Variants in ADAMTS3 observed in about 807,000 individuals in gnomAD.
ADAMTS3 encodes the protein ADAM metallopeptidase with thrombospondin type 1 motif 3, also known as A disintegrin and metalloproteinase with thrombospondin motifs 3.
ADAMTS3 carries 73 observed loss-of-function variants against 129.0 expected under a neutral mutation model. The observed-to-expected ratio is 0.57, with a 90% CI of 0.47 to 0.69. The LOEUF (loss-of-function observed/expected upper bound fraction) is 0.69. Among genes scored for constraint, ADAMTS3 ranks in the 30% least tolerant of loss-of-function variants. The pLI, the probability that ADAMTS3 is intolerant of heterozygous loss-of-function variation, is 0.00. For missense variants in ADAMTS3, 1,457 were observed against 1,514.5 expected (o/e 0.96, Z 0.63); for synonymous variants, 477 against 510.8 (o/e 0.93, Z 0.89).
intron 3 of ADAMTS3, among the ~76,000 whole-genome samples, chr4:72,523,141 T>TA (rs925538657): frequency 1.3e-5 from 2 of 151,764 alleles, no homozygotes; most frequent in Non-Finnish European, 2.9e-5. Context: ...AAGGTAAATA[T>TA]AAAAAAAAGA....
intron 3 of ADAMTS3, among the ~76,000 whole-genome samples, chr4:72,542,386 G>A (rs1298118775): frequency 4.6e-5 from 7 of 151,904 alleles, no homozygotes; most frequent in Non-Finnish European, 8.8e-5. Context: ...GGATGGTCTC[G>A]ATCTCCTGAC....
At chr4:72,565,371 A>T (rs79588222) in intron 2 of ADAMTS3, among the ~76,000 whole-genome samples, 2 of 152,182 alleles carry the variant, frequency 1.3e-5, no homozygotes, top group Non-Finnish European at 2.9e-5. Context: ...TAATAGAAAA[A>T]AAATAAATAA....
intron 4 of ADAMTS3, among the ~76,000 whole-genome samples, chr4:72,378,368 T>A (rs1465254502): frequency 6.6e-6 from 1 of 152,208 alleles, no homozygotes; most frequent in Non-Finnish European, 1.5e-5. Flanking sequence ...TGGGTTCTGT[T>A]TGAGGTTCAA....
intron 21 of ADAMTS3, among the ~76,000 whole-genome samples, chr4:72,285,146 AAGAG>A (rs576211542): frequency 1.5e-3 from 225 of 152,360 alleles, no homozygotes; most frequent in Non-Finnish European, 2.4e-3. Flanking sequence ...GAAACAAAAA[AAGAG>A]AGAGTCAGCT....
intron 4 of ADAMTS3, among the ~76,000 whole-genome samples, chr4:72,397,947 A>C (rs959254397): frequency 6.6e-6 from 1 of 152,200 alleles, no homozygotes; most frequent in East Asian, 1.9e-4. Flanking sequence ...ATGTAAAAAA[A>C]AAATCACTAC....
At chr4:72,518,792 A>T (rs1372816836) in intron 3 of ADAMTS3, among the ~76,000 whole-genome samples, 1 of 149,426 alleles carries the variant, frequency 6.7e-6, no homozygotes, top group African/African-American at 2.5e-5. Context: ...TCTTTATCCA[A>T]TTTGCCAGTC....
intron 4 of ADAMTS3, among the ~76,000 whole-genome samples, chr4:72,378,847 C>T (rs1023438841): frequency 6.6e-6 from 1 of 152,118 alleles, no homozygotes; most frequent in African/African-American, 2.4e-5. Flanking sequence ...GAAATCAAGA[C>T]GTCAGCCATG....
chr4:72,383,476 G>A (rs1721353907), intron 4 of ADAMTS3, among the ~76,000 whole-genome samples: 1 of 152,212 alleles, frequency 6.6e-6, no homozygotes, highest in Non-Finnish European at 1.5e-5. Context: ...ATACTTGGAA[G>A]TTTGGGGTTG....
At chr4:72,429,434 A>G (rs1722644770) in intron 3 of ADAMTS3, among the ~76,000 whole-genome samples, 1 of 152,052 alleles carries the variant, frequency 6.6e-6, no homozygotes, top group Non-Finnish European at 1.5e-5. Context: ...TTGTTATAGG[A>G]GGGAAAAAGC....
At chr4:72,465,499 T>C (rs1374549016) in intron 3 of ADAMTS3, among the ~76,000 whole-genome samples, 4 of 151,902 alleles carry the variant, frequency 2.6e-5, no homozygotes, top group Non-Finnish European at 5.9e-5. Context: ...GGGGGCGATA[T>C]GATCTGATTT....
chr4:72,446,047 T>C (rs965992119), intron 3 of ADAMTS3, among the ~76,000 whole-genome samples: 6 of 151,600 alleles, frequency 4.0e-5, no homozygotes, highest in African/African-American at 1.5e-4. Flanking sequence ...CAAGAAGATA[T>C]GTGAAAGGAG....
intron 10 of ADAMTS3, among the ~76,000 whole-genome samples, chr4:72,316,740 C>T (rs1222021601): frequency 6.6e-6 from 1 of 151,498 alleles, no homozygotes; most frequent in East Asian, 1.9e-4. Flanking sequence ...AATTAATTGA[C>T]TAAAAGCAGA....
intron 5 of ADAMTS3, among the ~76,000 whole-genome samples, chr4:72,326,537 G>A (rs1719703880): frequency 6.6e-6 from 1 of 151,972 alleles, no homozygotes; most frequent in Non-Finnish European, 1.5e-5. Context: ...ACCTTCGGTT[G>A]GTCATTTAAC....
intron 4 of ADAMTS3, among the ~76,000 whole-genome samples, chr4:72,351,145 C>A (rs568908010): frequency 6.6e-6 from 1 of 152,014 alleles, no homozygotes; most frequent in African/African-American, 2.4e-5. Flanking sequence ...TGATAGCCAA[C>A]GTCTTGCAGA....
chr4:72,431,163 G>C (rs920213439), intron 3 of ADAMTS3, among the ~76,000 whole-genome samples: 1 of 151,912 alleles, frequency 6.6e-6, no homozygotes, highest in East Asian at 1.9e-4. Flanking sequence ...ATAAACAGAA[G>C]CGGAAAGAAA....
At chr4:72,427,905 T>C (rs968228705) in intron 3 of ADAMTS3, among the ~76,000 whole-genome samples, 1 of 152,034 alleles carries the variant, frequency 6.6e-6, no homozygotes, top group African/African-American at 2.4e-5. Context: ...TAAAGAAAGG[T>C]AAAATATTGA....
At chr4:72,391,757 AC>A (rs1237572579) in intron 4 of ADAMTS3, among the ~76,000 whole-genome samples, 1 of 152,152 alleles carries the variant, frequency 6.6e-6, no homozygotes, top group African/African-American at 2.4e-5. Flanking sequence ...TTAAAAAAAA[AC>A]AAAACCCACA....
At position 72,558,726 on chromosome 4, in the gene ADAMTS3, CT is replaced by C. The variant is rs534104767; in HGVS notation, c.97+8647del. Among the ~76,000 whole-genome samples the C allele has an allele frequency of 2.3e-3, 353 of 151,728 alleles. 10 individuals carry two copies. The highest frequency in any genetic ancestry group is 8.0e-3 in the African/African-American group (329 of 41,076). On this transcript the variant is annotated intron_variant, in intron 2 of 21. Coordinates refer to ENST00000286657, the MANE Select transcript of ADAMTS3 (RefSeq NM_014243.3). ...TGTGACTCTTCAGCATGCATCCCTC[CT>C]TTTTCTTTAACTGCACACCGATTTC...
chr4:72,340,713 A>G (rs1301187031), intron 4 of ADAMTS3, among the ~76,000 whole-genome samples: 1 of 152,108 alleles, frequency 6.6e-6, no homozygotes, highest in African/African-American at 2.4e-5. Flanking sequence ...GAAGAGAGAC[A>G]CCATCAGGTT....
Sources: allele counts gnomAD v4.1 joint callset (sites outside exome capture counted in the v4.1 genomes callset), GRCh38; gene constraint gnomAD v4.1.1; transcripts MANE v1.5; gene names NCBI Gene and HGNC (gene_info 2026-07-23, HGNC 2026-07-21).